The following TMC2 variants were observed in gnomAD, a reference collection of about 807,000 sequenced individuals.
TMC2 encodes transmembrane channel-like protein 2.
Under a neutral mutation model 105.9 loss-of-function variants are expected in TMC2, and 102 were observed. That is an observed-to-expected ratio of 0.96 (90% CI 0.82 to 1.14). The LOEUF (loss-of-function observed/expected upper bound fraction) is 1.14. Ranked by LOEUF, TMC2 falls within the 50% of genes most tolerant of loss-of-function variation. The pLI is 0.00. For synonymous variants in TMC2, 402 were observed against 422.8 expected, an observed-to-expected ratio of 0.95 and a Z score of 0.60; for missense variants, 1,093 against 1,134.3, an observed-to-expected ratio of 0.96 and a Z score of 0.52.
intron 11 of TMC2, among the ~76,000 whole-genome samples, chr20:2,608,140 A>T (rs2086407581): frequency 6.6e-6 from 1 of 150,648 alleles, no homozygotes; most frequent in East Asian, 1.9e-4. Flanking sequence ...AAAAAAAGAA[A>T]AAAAGAAATT....
chr20:2,542,748 AG>A (rs1600093222), intron 2 of TMC2, among the ~76,000 whole-genome samples: 1 of 147,662 alleles, frequency 6.8e-6, no homozygotes, highest in East Asian at 2.0e-4. Flanking sequence ...GGCTGGAGTC[AG>A]TGGCACATCT....
At chr20:2,551,326 GT>G (rs1384786792) in intron 2 of TMC2, among the ~76,000 whole-genome samples, 1 of 148,734 alleles carries the variant, frequency 6.7e-6, no homozygotes, top group Non-Finnish European at 1.5e-5. Context: ...TTATTCTTGA[GT>G]TTTCATGTGT....
At chr20:2,579,276 T>C (rs1376895486) in intron 6 of TMC2, 49 bp downstream of exon 6, 1 of 1,141,588 alleles carries the variant, frequency 8.8e-7, no homozygotes, top group East Asian at 2.4e-5. Flanking sequence ...CTAAAGCGTT[T>C]CCCAAGAGCT....
At chr20:2,566,147 C>T (rs1248452527) in intron 4 of TMC2, among the ~76,000 whole-genome samples, 2 of 152,174 alleles carry the variant, frequency 1.3e-5, no homozygotes, top group African/African-American at 4.8e-5. Flanking sequence ...TGGTTGGCTA[C>T]CCAATCCCTC....
intron 4 of TMC2, among the ~76,000 whole-genome samples, chr20:2,564,336 C>G (rs922289103): frequency 6.6e-5 from 10 of 151,918 alleles, no homozygotes; most frequent in Admixed American, 1.3e-4. Flanking sequence ...ATTTTTAGTA[C>G]AGACGGGGTT....
intron 4 of TMC2, among the ~76,000 whole-genome samples, chr20:2,568,810 G>C (rs1383143278): frequency 6.6e-6 from 1 of 152,168 alleles, no homozygotes; most frequent in African/African-American, 2.4e-5. Context: ...CCCAGTTCTT[G>C]ACCCTGGGTT....
chr20:2,548,761 A>G (rs906102008), intron 2 of TMC2, among the ~76,000 whole-genome samples: 2 of 152,252 alleles, frequency 1.3e-5, no homozygotes, highest in Non-Finnish European at 2.9e-5. Context: ...CCAAGCTGGC[A>G]TACTACAAAA....
At chr20:2,604,412 C>T (rs2086374321) in intron 11 of TMC2, among the ~76,000 whole-genome samples, 1 of 152,172 alleles carries the variant, frequency 6.6e-6, no homozygotes, top group Non-Finnish European at 1.5e-5. Flanking sequence ...GGGCTTAATG[C>T]TTTTTGACAT....
intron 7 of TMC2, among the ~76,000 whole-genome samples, chr20:2,587,659 G>T (rs550310654): frequency 6.6e-6 from 1 of 152,124 alleles, no homozygotes; most frequent in South Asian, 2.1e-4. Flanking sequence ...ACAAAATGCT[G>T]TCTTGGAATG....
In TMC2 at chr20:2,616,863, T is replaced by G. The variant is rs1324330631; in HGVS notation, c.1941-209T>G. On this transcript the variant is annotated intron_variant, in intron 15 of 19. Coordinates refer to ENST00000358864, the MANE Select transcript of TMC2 (RefSeq NM_080751.3). The surrounding 1 kb of genome is among the most constrained non-coding windows in gnomAD (Gnocchi z 4.8). ...TCTTGGCCAGAGCTTAAGCCAGGAA[T>G]GCTCGGAGTGCCTCCCTCTCCTGAG... Among the ~76,000 whole-genome samples the G allele has an allele frequency of 6.6e-6, 1 of 152,228 alleles. No individual in the cohort carries two copies. The highest frequency in any genetic ancestry group is 1.9e-4 in the East Asian group (1 of 5,192).
rs4815453 is a variant in TMC2, at chr20:2,643,504, A to G, written c.*2153A>G. 0.62 allele frequency among the ~76,000 whole-genome samples: 93,742 copies of G among 152,186 alleles called. 29,262 individuals carry two copies. Among genetic ancestry groups the G allele is most frequent in the East Asian group, 0.86 (4,440 of 5,188 alleles). On this transcript the variant is annotated 3_prime_UTR_variant, in exon 20 of 20. Transcript: ENST00000358864. ...TGTAATTTTATGTGACGGAATGTAT[A>G]TGTCATCTAATGCTGCATAACAAAT...
At chr20:2,561,780 C>T (rs55969532) in intron 3 of TMC2, 78 bp from the exon 4 acceptor site, 209,263 of 1,504,236 alleles carry the variant, frequency 0.14, 15,671 homozygotes, top group African/African-American at 0.21. Context: ...TTCCATGGGC[C>T]CCTCCTCATT....
chr20:2,594,812 TG>T lies in TMC2; in HGVS notation c.934-12del, dbSNP rs781191337. On this transcript the variant is annotated splice_polypyrimidine_tract_variant and intron_variant, in intron 8 of 19. Coordinates refer to ENST00000358864, the MANE Select transcript of TMC2 (RefSeq NM_080751.3). Reference sequence around the variant, plus strand: ...CTTACCAACCCAGAGCATTTGGCTTTGCTGTCCCCCAGGGCTATATCAAGTA... The same window carrying T: ...CTTACCAACCCAGAGCATTTGGCTTTCTGTCCCCCAGGGCTATATCAAGTA... 6.2e-7 allele frequency: 1 copy of T among 1,613,170 alleles called. No individual in the cohort carries two copies. Among genetic ancestry groups the T allele is most frequent in the East Asian group, 2.2e-5 (1 of 44,862 alleles).
Position 2,616,335 on chromosome 20 carries a change from C to G in TMC2, c.1940+131C>G, listed in dbSNP as rs2086481709. 4 of 727,898 alleles carry G rather than the reference C, an allele frequency of 5.5e-6. No homozygotes were observed. Among genetic ancestry groups the G allele is most frequent in the Non-Finnish European group, 7.3e-6 (3 of 411,864 alleles). 45.1% of individuals were successfully genotyped at this position (727,898 alleles called of 1,614,324 possible). On this transcript the variant is annotated intron_variant, in intron 15 of 19. Coordinates refer to ENST00000358864, the MANE Select transcript of TMC2 (RefSeq NM_080751.3). This position sits in a 1 kb window ranked among gnomAD's most constrained non-coding sequence, Gnocchi z 4.8. ...TGCCTCTCTGAACTCCCCTCTTTCA[C>G]ATGAAAAATCAAGAGCGGGACTAGA... is the stretch of plus-strand genomic sequence containing the variant.
intron 2 of TMC2, among the ~76,000 whole-genome samples, chr20:2,538,832 C>A (rs1055551881): frequency 1.3e-5 from 2 of 152,170 alleles, no homozygotes; most frequent in African/African-American, 4.8e-5. Context: ...TGAAACCCAG[C>A]CCCATGAAGG....
At chr20:2,549,436 T>G (rs1294766023) in intron 2 of TMC2, among the ~76,000 whole-genome samples, 2 of 152,210 alleles carry the variant, frequency 1.3e-5, no homozygotes, top group Non-Finnish European at 2.9e-5. Flanking sequence ...GATGATTTTT[T>G]GACTTTTTTA....
In TMC2 at chr20:2,572,252, A is replaced by C. The variant is rs781737754; in HGVS notation, c.628A>C (p.Lys210Gln). 3.1e-6 allele frequency: 5 copies of C among 1,613,320 alleles called. No homozygotes were observed. Among genetic ancestry groups the C allele is most frequent in the Non-Finnish European group, 4.2e-6 (5 of 1,179,470 alleles). The change falls in exon 5 of 20, where the codon AAG (lysine) becomes CAG (glutamine). Residue 210 changes from lysine to glutamine, a missense_variant. Lys to Gln is a moderately conservative substitution (Grantham distance 53, BLOSUM62 1). Transcript: ENST00000358864. ...KGKGKQLYAYKMLMAKKWVKF... is the reference protein window; with the variant it reads ...KGKGKQLYAYQMLMAKKWVKF... ...GAAAGGCAAGCAACTATATGCCTACAAGATGCTGATGGCCAAGGTGTGTGG... is the reference window on the plus strand; with the variant it reads ...GAAAGGCAAGCAACTATATGCCTACCAGATGCTGATGGCCAAGGTGTGTGG...
intron 11 of TMC2, among the ~76,000 whole-genome samples, chr20:2,606,369 C>T (rs771170908): frequency 1.5e-3 from 233 of 152,298 alleles, no homozygotes; most frequent in Non-Finnish European, 2.6e-3. Context: ...AAACAATTCT[C>T]CTGCCTCAGC....
chr20:2,640,597 C>T (rs1346367156), intron 19 of TMC2, among the ~76,000 whole-genome samples: 1 of 152,080 alleles, frequency 6.6e-6, no homozygotes, highest in African/African-American at 2.4e-5. Context: ...GGATGTGGTC[C>T]CATCAAAGCC....
Sources: gnomAD v4.1 joint callset for allele counts (sites outside exome capture counted in the v4.1 genomes callset) on GRCh38, gnomAD v4.1.1 for gene constraint, Gnocchi (gnomAD v3.1) non-coding constraint, MANE v1.5 for transcripts, NCBI Gene and HGNC (gene_info 2026-07-23, HGNC 2026-07-21) for gene names.